EIF2B3: variants seen among roughly 807,000 people sequenced by gnomAD.
The protein encoded by EIF2B3 is eukaryotic translation initiation factor 2B subunit gamma, also known as translation initiation factor eIF2B subunit gamma.
A neutral mutation model predicts 54.1 loss-of-function variants in EIF2B3; 20 were observed. That is an observed-to-expected ratio of 0.37 (90% CI 0.26 to 0.54). The LOEUF is 0.54. EIF2B3 is among the 20% of genes least tolerant of loss of function. EIF2B3 has a pLI of 0.86. For synonymous variants in EIF2B3, 153 were observed against 188.1 expected (o/e 0.81, Z 1.52); for missense variants, 448 against 547.8 (o/e 0.82, Z 1.82).
chr1:44,857,721 T>C lies in EIF2B3; in HGVS notation c.1289A>G (p.Gln430Arg), dbSNP rs765453086. 6.8e-6 allele frequency: 11 copies of C among 1,614,088 alleles called. No individual in the cohort carries two copies. The highest frequency in any genetic ancestry group is 8.5e-6 in the Non-Finnish European group (10 of 1,180,020). Residue 430 changes from glutamine (Q) to arginine (R), a missense_variant, in exon 11 of 12, where the codon CAG becomes CGG. This residue lies in a region of EIF2B3 where 350 missense variants were observed against 414.2 expected (regional missense o/e 0.85). Coordinates refer to ENST00000360403, the MANE Select transcript of EIF2B3 (RefSeq NM_020365.5). ...TGGTTTACCTTTGGCTTCAATCCTC[T>C]GGCCACTTCCAATCAAGCAGTCCTT... ...DIKDCLIGSG[Q>R]RIEAKAKRVN...
At chr1:44,954,009 AAAC>A (rs1644196829) in intron 3 of EIF2B3, among the ~76,000 whole-genome samples, 1 of 152,224 alleles carries the variant, frequency 6.6e-6, no homozygotes, top group Non-Finnish European at 1.5e-5. Flanking sequence ...AGGCAAATGG[AAAC>A]AATAAGAAAG....
intron 6 of EIF2B3, among the ~76,000 whole-genome samples, chr1:44,883,295 C>G (rs539553908): frequency 1.5e-4 from 23 of 152,012 alleles, no homozygotes; most frequent in African/African-American, 5.3e-4. Context: ...AATGAAACTG[C>G]CTTTATAAAA....
At chr1:44,960,435 C>T (rs1644272269) in intron 3 of EIF2B3, among the ~76,000 whole-genome samples, 1 of 152,000 alleles carries the variant, frequency 6.6e-6, no homozygotes, top group African/African-American at 2.4e-5. Flanking sequence ...GTCAGGAGAT[C>T]GAGACCATCC....
intron 11 of EIF2B3, among the ~76,000 whole-genome samples, chr1:44,854,233 C>A (rs1654369536): frequency 6.6e-6 from 1 of 152,042 alleles, no homozygotes; most frequent in Non-Finnish European, 1.5e-5. Flanking sequence ...GAACTCTTGA[C>A]CTCAAGTGAT....
chr1:44,850,882 T>TA lies in EIF2B3; in HGVS notation c.*68dup. 1 of 1,553,306 alleles carries TA rather than the reference T, an allele frequency of 6.4e-7. No individual in the cohort carries two copies. The highest frequency in any genetic ancestry group is 8.9e-7 in the Non-Finnish European group (1 of 1,124,944). On this transcript the variant is annotated 3_prime_UTR_variant, in exon 12 of 12. Coordinates refer to ENST00000360403, the MANE Select transcript of EIF2B3 (RefSeq NM_020365.5). The stretch of plus-strand genomic sequence containing the variant: ...CTTTATTGGGAAATAAATACAGAGT[T>TA]AAACAGGTGGGCCGGCCAACATCTG...
intron 5 of EIF2B3, among the ~76,000 whole-genome samples, chr1:44,923,654 C>CTT (rs56327339): frequency 0.48 from 72,143 of 151,816 alleles, 17,916 homozygotes; most frequent in African/African-American, 0.62. Flanking sequence ...TTTCTTCTCT[C>CTT]CATTTCTTTC....
At chr1:44,866,211 G>A (rs1654774250) in intron 10 of EIF2B3, among the ~76,000 whole-genome samples, 2 of 151,942 alleles carry the variant, frequency 1.3e-5, no homozygotes, top group Admixed American at 6.6e-5. Context: ...AGCCTGGCCA[G>A]CATGGAGAAA....
intron 10 of EIF2B3, among the ~76,000 whole-genome samples, chr1:44,871,776 G>T (rs1453672152): frequency 6.6e-6 from 1 of 152,046 alleles, no homozygotes; most frequent in African/African-American, 2.4e-5. Flanking sequence ...TTCCAATAGG[G>T]TAGTTGGGGA....
intron 1 of EIF2B3, among the ~76,000 whole-genome samples, chr1:44,985,584 T>A (rs562737476): frequency 6.6e-6 from 1 of 152,186 alleles, no homozygotes. Flanking sequence ...CACAACTGTA[T>A]AAGAGTCAAA....
intron 6 of EIF2B3, among the ~76,000 whole-genome samples, chr1:44,893,708 G>GGAGTTA (rs1655876278): frequency 6.6e-6 from 1 of 152,106 alleles, no homozygotes; most frequent in Non-Finnish European, 1.5e-5. Context: ...TGTAAGTACT[G>GGAGTTA]CATGGCAATA....
At chr1:44,916,689 G>C (rs1305348169) in intron 5 of EIF2B3, among the ~76,000 whole-genome samples, 2 of 151,040 alleles carry the variant, frequency 1.3e-5, no homozygotes, top group Non-Finnish European at 3.0e-5. Context: ...CAAATGTGGT[G>C]GTGCACACCC....
chr1:44,909,546 C>A (rs1643473651), intron 5 of EIF2B3, among the ~76,000 whole-genome samples: 1 of 152,134 alleles, frequency 6.6e-6, no homozygotes, highest in South Asian at 2.1e-4. Context: ...TTTACCCACC[C>A]AGGCAGGAGA....
chr1:44,924,068 G>C (rs1244406933), intron 5 of EIF2B3, among the ~76,000 whole-genome samples: 1 of 151,410 alleles, frequency 6.6e-6, no homozygotes, highest in Non-Finnish European at 1.5e-5. Flanking sequence ...AGCCTCCCGA[G>C]TAGCTGGGAC....
chr1:44,931,608 T>C (rs1643897270), intron 4 of EIF2B3, among the ~76,000 whole-genome samples: 1 of 152,264 alleles, frequency 6.6e-6, no homozygotes, highest in East Asian at 1.9e-4. Flanking sequence ...ACATTTGTTA[T>C]GTAGTAAAAA....
At chr1:44,975,226 A>G (rs1035985519) in intron 3 of EIF2B3, among the ~76,000 whole-genome samples, 4 of 152,112 alleles carry the variant, frequency 2.6e-5, no homozygotes, top group African/African-American at 9.7e-5. Flanking sequence ...GAAAAAAAAA[A>G]TCATCACTGA....
At chr1:44,890,727 ACT>A (rs1426739763) in intron 6 of EIF2B3, among the ~76,000 whole-genome samples, 15 of 152,170 alleles carry the variant, frequency 9.9e-5, no homozygotes, top group African/African-American at 3.6e-4. Context: ...CAAGACCACG[ACT>A]CTGTCTATAA....
chr1:44,891,039 G>A (rs1417101100), intron 6 of EIF2B3, among the ~76,000 whole-genome samples: 1 of 151,862 alleles, frequency 6.6e-6, no homozygotes, highest in Non-Finnish European at 1.5e-5. Flanking sequence ...TCTCCCTCTA[G>A]TTTTATCCAC....
At chr1:44,959,108 A>G in intron 3 of EIF2B3, 1 of 763,178 alleles carries the variant, frequency 1.3e-6, no homozygotes, top group South Asian at 1.5e-5. Flanking sequence ...AGGCTACGTA[A>G]CATCCCTATT....
In EIF2B3 at chr1:44,920,395, ACT is replaced by A. The variant is rs541297699; in HGVS notation, c.566+6231_566+6232del. Among the ~76,000 whole-genome samples, 19 of 151,918 alleles carry A rather than the reference ACT, an allele frequency of 1.3e-4. No homozygotes were observed. The South Asian group carries it at 4.0e-3, about 32-fold the overall frequency. ...TTTGTGTGACAAACAATCCAATTATACTCTCTTAGTTATTTTAAAATGTACAA... is the reference window on the plus strand; with the variant it reads ...TTTGTGTGACAAACAATCCAATTATACTCTTAGTTATTTTAAAATGTACAA... On this transcript the variant is annotated intron_variant, in intron 5 of 11. Coordinates refer to ENST00000360403, the MANE Select transcript of EIF2B3 (RefSeq NM_020365.5).
Sources: gnomAD v4.1 joint callset for allele counts (sites outside exome capture counted in the v4.1 genomes callset) on GRCh38, gnomAD v4.1.1 for gene constraint, gnomAD v4.1.1 regional missense constraint, MANE v1.5 for transcripts, NCBI Gene and HGNC (gene_info 2026-07-23, HGNC 2026-07-21) for gene names.